The following PPARGC1A variants were observed in gnomAD, a reference collection of about 807,000 sequenced individuals.
PPARGC1A encodes the protein PPARG coactivator 1 alpha, also known as peroxisome proliferator-activated receptor gamma coactivator 1-alpha.
A neutral mutation model predicts 88.7 loss-of-function variants in PPARGC1A; 25 were observed. The ratio of observed to expected loss-of-function variants is 0.28; its 90% CI spans 0.21 to 0.39. PPARGC1A has a LOEUF of 0.39. Among genes scored for constraint, PPARGC1A ranks in the 10% least tolerant of loss-of-function variants. The pLI, the probability that PPARGC1A is intolerant of heterozygous loss-of-function variation, is 1.00. For missense variants in PPARGC1A, 880 were observed against 968.7 expected, an observed-to-expected ratio of 0.91 and a Z score of 1.22; for synonymous variants, 363 against 355.6, an observed-to-expected ratio of 1.02 and a Z score of -0.24.
chr4:23,939,890 T>C, the PPARGC1A span, among the ~76,000 whole-genome samples: 1 of 152,282 alleles, frequency 6.6e-6, no homozygotes, highest in African/African-American at 2.4e-5. Context: ...TTTTCAAAAG[T>C]AGCATATTAT....
chr4:24,020,829 C>T, the PPARGC1A span, among the ~76,000 whole-genome samples: 1 of 152,298 alleles, frequency 6.6e-6, no homozygotes, highest in Non-Finnish European at 1.5e-5. Context: ...CCACGGTGAG[C>T]ATCAGTACTT....
rs558099902 is a variant in PPARGC1A, at chr4:23,871,269, T to C, written c.234+13483A>G. Among the ~76,000 whole-genome samples, 19 of 152,316 alleles carry C rather than the reference T, an allele frequency of 1.2e-4. No individual in the cohort carries two copies. The South Asian group carries it at 2.5e-3, about 20-fold the overall frequency. ...CCCAGGAGAAACTGACACAAAGTCC[T>C]TCAGGACAGGGGCAGCCACCTCAGC... On this transcript the variant is annotated intron_variant, in intron 2 of 12. Coordinates refer to ENST00000264867, the MANE Select transcript of PPARGC1A (RefSeq NM_013261.5).
the PPARGC1A span, among the ~76,000 whole-genome samples, chr4:24,095,115 CTTT>C: frequency 1.6e-5 from 2 of 122,394 alleles, no homozygotes; most frequent in Admixed American, 8.6e-5. Flanking sequence ...GAAATAGGGT[CTTT>C]TTTTTTTTTT....
chr4:24,462,887 C>G, the PPARGC1A span, among the ~76,000 whole-genome samples: 1 of 151,718 alleles, frequency 6.6e-6, no homozygotes, highest in African/African-American at 2.4e-5. Flanking sequence ...CTCATTTAAT[C>G]CTCACAACAA....
the PPARGC1A span, among the ~76,000 whole-genome samples, chr4:24,121,871 G>T: frequency 6.6e-6 from 1 of 152,172 alleles, no homozygotes; most frequent in Non-Finnish European, 1.5e-5. Flanking sequence ...TTTACTGCCA[G>T]AGGAGAACAA....
At chr4:23,863,627 G>A (rs944860774) in intron 2 of PPARGC1A, among the ~76,000 whole-genome samples, 9 of 152,222 alleles carry the variant, frequency 5.9e-5, no homozygotes, top group East Asian at 3.9e-4. Flanking sequence ...GCATAAATCC[G>A]TGCACATAGT....
At chr4:23,910,150 T>C in the PPARGC1A span, among the ~76,000 whole-genome samples, 2 of 123,456 alleles carry the variant, frequency 1.6e-5, no homozygotes, top group Non-Finnish European at 3.2e-5. Context: ...ATCTATATTA[T>C]ATATAATATA....
the PPARGC1A span, among the ~76,000 whole-genome samples, chr4:24,049,201 CACACATATATATAAATATATATAT>C: frequency 7.7e-6 from 1 of 130,000 alleles, no homozygotes; most frequent in Non-Finnish European, 1.6e-5. Flanking sequence ...TCTATATATA[CACACATATATATAAATATATATAT>C]ACATATATAT....
chr4:24,262,968 A>G, the PPARGC1A span, among the ~76,000 whole-genome samples: 1,965 of 152,282 alleles, frequency 0.013, 51 homozygotes, highest in East Asian at 0.12. Flanking sequence ...TATCTGCTAC[A>G]CTGGAATAGC....
chr4:24,091,456 G>A, the PPARGC1A span: 1 of 985,328 alleles, frequency 1.0e-6, no homozygotes, highest in South Asian at 4.7e-5. Context: ...TGGAGCTGAG[G>A]ACATCACTTA....
the PPARGC1A span, among the ~76,000 whole-genome samples, chr4:24,085,488 C>A: frequency 1.3e-5 from 2 of 152,228 alleles, no homozygotes; most frequent in Non-Finnish European, 2.9e-5. Context: ...GGCCTTCTCA[C>A]TTCTAGATTG....
the PPARGC1A span, among the ~76,000 whole-genome samples, chr4:24,431,279 G>A: frequency 6.6e-6 from 1 of 152,156 alleles, no homozygotes; most frequent in African/African-American, 2.4e-5. Flanking sequence ...TTGATGGGAT[G>A]ATGTCAACAT....
chr4:24,063,867 C>G, the PPARGC1A span, among the ~76,000 whole-genome samples: 1 of 152,156 alleles, frequency 6.6e-6, no homozygotes, highest in Non-Finnish European at 1.5e-5. Flanking sequence ...CTCAGAATCC[C>G]TATTTAGCAT....
At chr4:24,344,134 T>A in the PPARGC1A span, among the ~76,000 whole-genome samples, 2 of 152,104 alleles carry the variant, frequency 1.3e-5, no homozygotes, top group Non-Finnish European at 2.9e-5. Context: ...ACAGTTTTTT[T>A]AATCCACTCA....
rs1344430205 is a variant in PPARGC1A, at chr4:23,896,183, G to A, written n.52+3084C>T. ...GGATGAGGAGGAAATGTAACAAGCTGTTCGTAGTGGCTGACGACGTTATAA... is the reference window on the plus strand; with the variant it reads ...GGATGAGGAGGAAATGTAACAAGCTATTCGTAGTGGCTGACGACGTTATAA... On this transcript the variant is annotated intron_variant and non_coding_transcript_variant, in intron 1 of 3. Coordinates refer to the PPARGC1A transcript ENST00000507342. Among the ~76,000 whole-genome samples, 3 of 151,966 alleles carry A rather than the reference G, an allele frequency of 2.0e-5. No individual in the cohort carries two copies. The East Asian group carries it at 5.8e-4, about 29-fold the overall frequency.
the PPARGC1A span, among the ~76,000 whole-genome samples, chr4:24,189,175 G>C: frequency 6.6e-6 from 1 of 152,244 alleles, no homozygotes; most frequent in East Asian, 1.9e-4. Flanking sequence ...AAAATCATCT[G>C]TTAGAGCTTC....
chr4:23,965,725 C>A, the PPARGC1A span, among the ~76,000 whole-genome samples: 11 of 152,092 alleles, frequency 7.2e-5, no homozygotes, highest in African/African-American at 2.4e-4. Context: ...TGCTATGGGC[C>A]CTTCCGAACC....
the PPARGC1A span, among the ~76,000 whole-genome samples, chr4:24,470,615 C>T: frequency 4.6e-5 from 7 of 152,000 alleles, no homozygotes; most frequent in Non-Finnish European, 1.0e-4. The surrounding 1 kb of genome is among the most constrained non-coding windows in gnomAD (Gnocchi z 5.8). Context: ...CCTCGTGTCT[C>T]CCGGCTGCCT....
the PPARGC1A span, among the ~76,000 whole-genome samples, chr4:24,050,194 C>CTTTTTTTTTTTTTTTTTTT: frequency 3.1e-5 from 4 of 127,808 alleles, 2 homozygotes; most frequent in African/African-American, 5.8e-5. Flanking sequence ...CTTAGGTGAC[C>CTTTTTTTTTTTTTTTTTTT]TTTTGTTTTT....
Sources: gnomAD v4.1 joint callset for allele counts (sites outside exome capture counted in the v4.1 genomes callset) on GRCh38, gnomAD v4.1.1 for gene constraint, Gnocchi (gnomAD v3.1) non-coding constraint, MANE v1.5 for transcripts, NCBI Gene and HGNC (gene_info 2026-07-23, HGNC 2026-07-21) for gene names.